Variants in ESRRG observed in about 807,000 individuals in gnomAD.
The protein encoded by ESRRG is estrogen related receptor gamma, also known as estrogen-related receptor gamma.
In ESRRG, 13 loss-of-function variants were observed where a neutral mutation model predicts 44.0. The observed-to-expected ratio is 0.30, with a 90% confidence interval of 0.19 to 0.47. The LOEUF is 0.47. Ranked by LOEUF, ESRRG falls within the 20% of genes least tolerant of loss-of-function variation. The probability of loss-of-function intolerance (pLI) is 1.00; values close to 1 mark genes in which losing one functional copy is unlikely to be tolerated. For synonymous variants in ESRRG, 215 were observed against 214.6 expected (o/e 1.00, Z -0.02); for missense variants, 395 against 580.6 (o/e 0.68, Z 3.29).
chr1:216,967,717 G>T (rs1248940331), intron 1 of ESRRG, among the ~76,000 whole-genome samples: 2 of 152,164 alleles, frequency 1.3e-5, no homozygotes, highest in African/African-American at 4.8e-5. Flanking sequence ...ATATTTTTGT[G>T]TGGCACAAGT....
At chr1:216,740,122 G>A (rs774055208) in intron 2 of ESRRG, among the ~76,000 whole-genome samples, 10 of 152,188 alleles carry the variant, frequency 6.6e-5, no homozygotes, top group Admixed American at 3.3e-4. Flanking sequence ...TCTGGCTACA[G>A]TCCTATCTCT....
At chr1:216,725,730 G>A (rs1268261290), upstream of ESRRG, among the ~76,000 whole-genome samples, 1 of 152,072 alleles carries the variant, frequency 6.6e-6, no homozygotes, top group Non-Finnish European at 1.5e-5. Flanking sequence ...TTCCTTCTTG[G>A]TTTGGCTATG....
At chr1:216,703,675 GTGTGTGTGTA>G (rs1211248862) in intron 1 of ESRRG, among the ~76,000 whole-genome samples, 1 of 150,616 alleles carries the variant, frequency 6.6e-6, no homozygotes, top group African/African-American at 2.4e-5. Flanking sequence ...GTGTGTGTGT[GTGTGTGTGTA>G]TGTTTGTGTG....
At chr1:216,540,631 A>G (rs560361401) in intron 5 of ESRRG, among the ~76,000 whole-genome samples, 3 of 152,156 alleles carry the variant, frequency 2.0e-5, no homozygotes, top group East Asian at 3.9e-4. Context: ...AAAGATGTAG[A>G]TGTAATAGTG....
intron 1 of ESRRG, chr1:216,686,074 A>G (rs1237079388): frequency 1.3e-5 from 2 of 152,202 alleles, no homozygotes; most frequent in Non-Finnish European, 2.9e-5. Flanking sequence ...CTATATTTAT[A>G]TTTTTACCTT....
intron 3 of ESRRG, among the ~76,000 whole-genome samples, chr1:216,587,854 G>C (rs1271883858): frequency 6.6e-6 from 1 of 152,178 alleles, no homozygotes; most frequent in Non-Finnish European, 1.5e-5. Context: ...TAGTGTTCAT[G>C]CAAGCAGTGC....
At chr1:216,953,650 C>T (rs11572465) in intron 1 of ESRRG, among the ~76,000 whole-genome samples, 85 of 152,148 alleles carry the variant, frequency 5.6e-4, no homozygotes, top group Admixed American at 9.8e-4. Context: ...TTCACATGTA[C>T]TTCTGACCTC....
intron 2 of ESRRG, among the ~76,000 whole-genome samples, chr1:216,819,256 G>A (rs115725121): frequency 0.011 from 1,716 of 152,198 alleles, 16 homozygotes; most frequent in Non-Finnish European, 0.017. Context: ...AGCATCTGTT[G>A]TTCTTTCGGT....
intron 3 of ESRRG, among the ~76,000 whole-genome samples, chr1:216,570,302 C>T (rs6678051): frequency 0.012 from 1,772 of 152,234 alleles, 37 homozygotes; most frequent in African/African-American, 0.04. Context: ...CTGAAAATTG[C>T]CATGCATGTT....
chr1:217,022,892 G>C (rs1275562204), intron 1 of ESRRG, among the ~76,000 whole-genome samples: 1 of 152,152 alleles, frequency 6.6e-6, no homozygotes, highest in South Asian at 2.1e-4. Context: ...TGGATGGAAG[G>C]AAGGCAGGAA....
At chr1:216,783,236 C>T (rs1256072952) in intron 2 of ESRRG, among the ~76,000 whole-genome samples, 1 of 151,868 alleles carries the variant, frequency 6.6e-6, no homozygotes, top group East Asian at 1.9e-4. Flanking sequence ...ATATCTATTC[C>T]CTTAGAACAA....
intron 2 of ESRRG, among the ~76,000 whole-genome samples, chr1:216,756,159 G>T (rs1163138572): frequency 6.6e-6 from 1 of 151,852 alleles, no homozygotes; most frequent in Non-Finnish European, 1.5e-5. Flanking sequence ...AGGCATGTGT[G>T]GAAATAGATG....
chr1:216,902,445 G>A (rs550012356), intron 2 of ESRRG, among the ~76,000 whole-genome samples: 10 of 150,422 alleles, frequency 6.6e-5, no homozygotes, highest in South Asian at 4.2e-4. Context: ...GCCAGATCGC[G>A]CCACTGCACT....
intron 6 of ESRRG, among the ~76,000 whole-genome samples, chr1:216,514,132 A>G (rs2043498148): frequency 6.6e-6 from 1 of 152,158 alleles, no homozygotes; most frequent in Non-Finnish European, 1.5e-5. Flanking sequence ...TGAACATGAA[A>G]AGAAATATTT....
At chr1:216,645,590 G>T (rs961547798) in intron 3 of ESRRG, among the ~76,000 whole-genome samples, 1 of 151,804 alleles carries the variant, frequency 6.6e-6, no homozygotes, top group Non-Finnish European at 1.5e-5. Context: ...TAAAGCGTAG[G>T]CCCAGGCACA....
chr1:216,554,216 G>A (rs995713205), intron 5 of ESRRG, among the ~76,000 whole-genome samples: 3 of 152,118 alleles, frequency 2.0e-5, no homozygotes, highest in African/African-American at 7.2e-5. Flanking sequence ...CACTTTGGAA[G>A]GCTGGGGTGG....
intron 1 of ESRRG, among the ~76,000 whole-genome samples, chr1:217,011,224 A>G (rs1479884134): frequency 6.6e-6 from 1 of 152,236 alleles, no homozygotes; most frequent in Non-Finnish European, 1.5e-5. Flanking sequence ...AAAGATGCCA[A>G]GTGAATGTGA....
intron 2 of ESRRG, among the ~76,000 whole-genome samples, chr1:216,737,862 T>A (rs1297463805): frequency 6.6e-6 from 1 of 152,162 alleles, no homozygotes; most frequent in Non-Finnish European, 1.5e-5. Context: ...AAGCTCACTG[T>A]GAATGATGCA....
intron 1 of ESRRG, among the ~76,000 whole-genome samples, chr1:216,698,690 G>A (rs984578325): frequency 7.9e-5 from 12 of 151,954 alleles, no homozygotes; most frequent in Non-Finnish European, 1.6e-4. Context: ...ACAATATGAT[G>A]GTTTCGATAG....
Sources: allele counts gnomAD v4.1 joint callset (sites outside exome capture counted in the v4.1 genomes callset), GRCh38; gene constraint gnomAD v4.1.1; transcripts MANE v1.5; gene names NCBI Gene and HGNC (gene_info 2026-07-23, HGNC 2026-07-21).